Variants in RIT2 observed in about 807,000 individuals in gnomAD.
RIT2 encodes Ras like without CAAX 2.
In RIT2, 24 loss-of-function variants were observed where a neutral mutation model predicts 23.7. The observed-to-expected ratio is 1.01, with a 90% CI of 0.73 to 1.43. RIT2 has a LOEUF of 1.43. Among genes scored for constraint, RIT2 ranks in the 40% most tolerant of loss-of-function variants. The pLI is 0.00. For missense variants in RIT2, 236 were observed against 266.9 expected (o/e 0.88, Z 0.81); for synonymous variants, 107 against 91.1 (o/e 1.17, Z -0.99).
chr18:42,772,586 C>T (rs576315256), intron 4 of RIT2, among the ~76,000 whole-genome samples: 1 of 152,248 alleles, frequency 6.6e-6, no homozygotes, highest in Non-Finnish European at 1.5e-5. Flanking sequence ...ACTAAAACCT[C>T]TGTAATTTCT....
At chr18:42,927,554 C>T (rs1277614876) in intron 3 of RIT2, among the ~76,000 whole-genome samples, 4 of 151,894 alleles carry the variant, frequency 2.6e-5, no homozygotes, top group African/African-American at 9.7e-5. Flanking sequence ...CGTCTTCATT[C>T]ACCTGTGAAT....
At chr18:42,766,345 A>G (rs1385424402) in intron 4 of RIT2, among the ~76,000 whole-genome samples, 3 of 152,156 alleles carry the variant, frequency 2.0e-5, no homozygotes, top group African/African-American at 7.2e-5. Context: ...ATTTGTTGGG[A>G]ACTGGAGTAA....
Position 43,115,545 on chromosome 18 carries a change from A to G in RIT2, c.-26T>C. The G allele has an allele frequency of 1.2e-6, 2 of 1,600,880 alleles. No individual in the cohort carries two copies. The highest frequency in any genetic ancestry group is 2.2e-5 in the South Asian group (2 of 88,924). On this transcript the variant is annotated 5_prime_UTR_variant, in exon 1 of 5. Transcript: ENST00000326695. The stretch of plus-strand genomic sequence containing the variant: ...CTTACCCGAGGGACCGGAGGAAAAA[A>G]AGAAGGAGAAAGTCACCCGTGTCAG...
At chr18:42,816,417 T>C (rs1681974449) in intron 4 of RIT2, among the ~76,000 whole-genome samples, 2 of 152,146 alleles carry the variant, frequency 1.3e-5, no homozygotes, top group Admixed American at 1.3e-4. Flanking sequence ...CATGCTCAAA[T>C]AGTATTGTTA....
intron 2 of RIT2, among the ~76,000 whole-genome samples, chr18:43,033,066 T>C (rs1385086182): frequency 3.9e-5 from 6 of 152,178 alleles, no homozygotes; most frequent in Non-Finnish European, 8.8e-5. Context: ...GAAATAATGC[T>C]TGATGTGTTT....
intron 4 of RIT2, among the ~76,000 whole-genome samples, chr18:42,887,544 A>G (rs192141159): frequency 2.0e-3 from 312 of 152,256 alleles, no homozygotes; most frequent in African/African-American, 7.0e-3. Flanking sequence ...CTCCTTCATT[A>G]CTGGTGGAAG....
chr18:42,755,877 G>T (rs993476322), intron 4 of RIT2, among the ~76,000 whole-genome samples: 6 of 152,182 alleles, frequency 3.9e-5, no homozygotes, highest in Admixed American at 2.0e-4. Flanking sequence ...TACAAGTAAT[G>T]CCCAGCCCTG....
At chr18:42,829,590 A>T (rs925326775) in intron 4 of RIT2, among the ~76,000 whole-genome samples, 11 of 152,222 alleles carry the variant, frequency 7.2e-5, no homozygotes, top group African/African-American at 2.4e-4. Context: ...AAGGTCCATG[A>T]CCATCTGTTG....
intron 4 of RIT2, among the ~76,000 whole-genome samples, chr18:42,823,420 A>G (rs1598669023): frequency 6.6e-6 from 1 of 152,196 alleles, no homozygotes; most frequent in Non-Finnish European, 1.5e-5. Flanking sequence ...GCATTCCACA[A>G]GCATTTATCA....
At chr18:43,104,557 T>C (rs919441068) in intron 1 of RIT2, among the ~76,000 whole-genome samples, 3 of 151,874 alleles carry the variant, frequency 2.0e-5, no homozygotes, top group Non-Finnish European at 2.9e-5. Context: ...ACTTGTCAAC[T>C]AAAAATGAAA....
chr18:42,932,309 T>C (rs1424653960), intron 3 of RIT2, among the ~76,000 whole-genome samples: 3 of 152,122 alleles, frequency 2.0e-5, no homozygotes, highest in Non-Finnish European at 4.4e-5. Flanking sequence ...CGGTCTCCCT[T>C]TTCCAATCAA....
intron 1 of RIT2, among the ~76,000 whole-genome samples, chr18:43,114,662 A>AT (rs1367232642): frequency 3.9e-5 from 6 of 152,086 alleles, no homozygotes; most frequent in African/African-American, 1.4e-4. Flanking sequence ...CTATGTATCT[A>AT]TTTTTTTAAT....
chr18:43,029,128 T>C (rs930858891), intron 2 of RIT2, among the ~76,000 whole-genome samples: 2 of 152,062 alleles, frequency 1.3e-5, no homozygotes, highest in Non-Finnish European at 2.9e-5. Flanking sequence ...CTTAACTCTA[T>C]ATATAGCATT....
At chr18:42,915,338 TACTC>T (rs1213068081) in intron 4 of RIT2, among the ~76,000 whole-genome samples, 1 of 152,042 alleles carries the variant, frequency 6.6e-6, no homozygotes, top group Non-Finnish European at 1.5e-5. Context: ...TAAAAAACTT[TACTC>T]ACTCAGTATT....
rs7241226 is a variant in RIT2, at chr18:42,761,290, A to G, written c.427-17570T>C. On this transcript the variant is annotated intron_variant, in intron 4 of 4. Coordinates refer to ENST00000326695, the MANE Select transcript of RIT2 (RefSeq NM_002930.4). ...CTTATCCTTACAGGTTTTCTAAAGT[A>G]ACTCCCAGTCTCCACTTCAAGAAGT... Among the ~76,000 whole-genome samples the G allele has an allele frequency of 1.6e-3, 250 of 152,298 alleles. 2 individuals are homozygous for G. Among genetic ancestry groups the G allele is most frequent in the African/African-American group, 5.7e-3 (238 of 41,576 alleles).
chr18:43,044,826 T>G (rs1163927146), intron 1 of RIT2, among the ~76,000 whole-genome samples: 4 of 152,168 alleles, frequency 2.6e-5, no homozygotes, highest in African/African-American at 9.7e-5. Context: ...TTCTATGGAA[T>G]GTTCCCCTTT....
intron 1 of RIT2, among the ~76,000 whole-genome samples, chr18:43,090,637 C>A (rs1913400767): frequency 6.6e-6 from 1 of 151,952 alleles, no homozygotes; most frequent in African/African-American, 2.4e-5. Context: ...TAACGGTAGA[C>A]TGGATAAAGA....
chr18:43,049,860 T>G (rs1204384544), intron 1 of RIT2, among the ~76,000 whole-genome samples: 1 of 151,728 alleles, frequency 6.6e-6, no homozygotes, highest in Non-Finnish European at 1.5e-5. Context: ...GGTGTACAGC[T>G]TGCAGATGGA....
At chr18:42,876,700 GT>G (rs944336061) in intron 4 of RIT2, among the ~76,000 whole-genome samples, 98 of 149,008 alleles carry the variant, frequency 6.6e-4, no homozygotes, top group African/African-American at 1.7e-3. Context: ...TTTAGTACAG[GT>G]TTTTTTTTTC....
Sources: allele counts gnomAD v4.1 joint callset (sites outside exome capture counted in the v4.1 genomes callset), GRCh38; gene constraint gnomAD v4.1.1; transcripts MANE v1.5; gene names NCBI Gene and HGNC (gene_info 2026-07-23, HGNC 2026-07-21).